CLINT1: variants seen among roughly 807,000 people sequenced by gnomAD.
CLINT1 encodes clathrin interactor 1.
CLINT1 carries 15 observed loss-of-function variants against 70.4 expected under a neutral mutation model. That is an observed-to-expected ratio of 0.21 (90% CI 0.14 to 0.33). The LOEUF (loss-of-function observed/expected upper bound fraction) is 0.33, where lower values mean the gene tolerates loss of function less well. CLINT1 is among the 10% of genes least tolerant of loss of function. The pLI, the probability that CLINT1 is intolerant of heterozygous loss-of-function variation, is 1.00. For missense variants in CLINT1, 615 were observed against 778.1 expected, an observed-to-expected ratio of 0.79 and a Z score of 2.49; for synonymous variants, 227 against 254.7, an observed-to-expected ratio of 0.89 and a Z score of 1.04.
At chr5:157,790,793 C>T (rs896209559) in intron 10 of CLINT1, 11 of 291,794 alleles carry the variant, frequency 3.8e-5, no homozygotes, top group South Asian at 2.8e-4. Context: ...CTAGGTAATT[C>T]GGATTTAACT....
chr5:157,832,040 T>C (rs758709425), intron 1 of CLINT1, among the ~76,000 whole-genome samples: 1 of 151,764 alleles, frequency 6.6e-6, no homozygotes, highest in Non-Finnish European at 1.5e-5. Flanking sequence ...CAAGCTGGAG[T>C]GCAGTGGTAG....
At chr5:157,789,081 TA>T (rs1043155782) in intron 11 of CLINT1, among the ~76,000 whole-genome samples, 1 of 151,406 alleles carries the variant, frequency 6.6e-6, no homozygotes, top group South Asian at 2.1e-4. Context: ...TGCCTATATT[TA>T]AAAAAAAATC....
intron 1 of CLINT1, among the ~76,000 whole-genome samples, chr5:157,845,403 C>T (rs1753336226): frequency 6.6e-6 from 1 of 151,560 alleles, no homozygotes; most frequent in African/African-American, 2.4e-5. Context: ...TAAATTTTTC[C>T]CAAGTAATTT....
At chr5:157,854,768 CT>C (rs781659378) in intron 1 of CLINT1, among the ~76,000 whole-genome samples, 1 of 152,026 alleles carries the variant, frequency 6.6e-6, no homozygotes, top group African/African-American at 2.4e-5. Flanking sequence ...GCAAGCTATG[CT>C]TAGGAGAATA....
intron 1 of CLINT1, among the ~76,000 whole-genome samples, chr5:157,850,219 T>C (rs1753525558): frequency 6.6e-6 from 1 of 151,992 alleles, no homozygotes; most frequent in Non-Finnish European, 1.5e-5. Flanking sequence ...CGCTGCTGAG[T>C]GGACAGCAGA....
intron 8 of CLINT1, among the ~76,000 whole-genome samples, chr5:157,796,831 C>A (rs1246627339): frequency 6.6e-6 from 1 of 152,138 alleles, no homozygotes; most frequent in Non-Finnish European, 1.5e-5. Context: ...AGTCAACTAG[C>A]AGCAGGCATA....
intron 1 of CLINT1, among the ~76,000 whole-genome samples, chr5:157,826,745 A>G (rs952640688): frequency 6.6e-6 from 1 of 152,220 alleles, no homozygotes; most frequent in African/African-American, 2.4e-5. Flanking sequence ...GTATTTCACA[A>G]AGAATGGTTT....
At chr5:157,827,806 AAAGAC>A (rs1763086257) in intron 1 of CLINT1, among the ~76,000 whole-genome samples, 1 of 152,230 alleles carries the variant, frequency 6.6e-6, no homozygotes, top group Non-Finnish European at 1.5e-5. Flanking sequence ...AACTGTTCCA[AAAGAC>A]AAGGCCATGC....
Position 157,794,974 on chromosome 5 carries a change from T to C in CLINT1, c.1013-2A>G, listed in dbSNP as rs1762025504. On this transcript the variant is annotated splice_acceptor_variant, in intron 8 of 11. Coordinates refer to ENST00000411809, the MANE Select transcript of CLINT1 (RefSeq NM_014666.4). LOFTEE classifies it high-confidence loss of function. ...CTCCGAATAAATCAGCTGATCCTCCTAGAAGTTAAGAAAAAGTTAAAACTG... is the reference window on the plus strand; with the variant it reads ...CTCCGAATAAATCAGCTGATCCTCCCAGAAGTTAAGAAAAAGTTAAAACTG... 32 of 1,551,630 alleles carry C rather than the reference T, an allele frequency of 2.1e-5. No individual in the cohort carries two copies. Among genetic ancestry groups the C allele is most frequent in the Non-Finnish European group, 2.3e-5 (26 of 1,146,636 alleles).
chr5:157,803,839 G>C (rs1762305705), intron 7 of CLINT1, 120 bp from the exon 8 acceptor site: 1 of 588,794 alleles, frequency 1.7e-6, no homozygotes, highest in Admixed American at 4.0e-5. Flanking sequence ...TAAGGGTAGG[G>C]TTTTCTGGAA....
intron 1 of CLINT1, among the ~76,000 whole-genome samples, chr5:157,834,322 G>A (rs962275523): frequency 2.6e-5 from 4 of 151,456 alleles, no homozygotes; most frequent in Admixed American, 6.6e-5. Context: ...CCGAGACTGC[G>A]CCACTGCGCC....
intron 1 of CLINT1, among the ~76,000 whole-genome samples, chr5:157,848,653 G>GC (rs1297418512): frequency 6.6e-6 from 1 of 151,924 alleles, no homozygotes; most frequent in Non-Finnish European, 1.5e-5. Flanking sequence ...ACAGGGGTGC[G>GC]CCAGAATGCC....
At chr5:157,827,031 T>C (rs927921481) in intron 1 of CLINT1, among the ~76,000 whole-genome samples, 16 of 152,200 alleles carry the variant, frequency 1.1e-4, no homozygotes, top group South Asian at 2.1e-4. Context: ...GTTCAATTAA[T>C]AGTTTGGATG....
At chr5:157,796,676 A>T (rs1037876569) in intron 8 of CLINT1, among the ~76,000 whole-genome samples, 14 of 152,226 alleles carry the variant, frequency 9.2e-5, no homozygotes, top group African/African-American at 3.1e-4. Flanking sequence ...GCTGAAAGAC[A>T]TTCTGCCCCA....
chr5:157,803,568 T>A (rs991989443), intron 8 of CLINT1, 82 bp downstream of exon 8: 2 of 925,326 alleles, frequency 2.2e-6, no homozygotes, highest in Middle Eastern at 2.4e-4. Context: ...AAATAAGTAA[T>A]CTTATTTTTC....
chr5:157,842,714 C>G (rs191935900), intron 1 of CLINT1, among the ~76,000 whole-genome samples: 4 of 152,280 alleles, frequency 2.6e-5, no homozygotes, highest in African/African-American at 9.6e-5. Flanking sequence ...TCCTCAAATC[C>G]AATTTTCAAT....
At chr5:157,830,788 CTCTCTCTCTATA>C (rs1244965627) in intron 1 of CLINT1, among the ~76,000 whole-genome samples, 6 of 128,856 alleles carry the variant, frequency 4.7e-5, no homozygotes, top group Admixed American at 8.4e-5. Flanking sequence ...CTCTCTCTCT[CTCTCTCTCTATA>C]TATATATATA....
chr5:157,820,065 T>C (rs893224160), intron 1 of CLINT1, among the ~76,000 whole-genome samples: 3 of 152,168 alleles, frequency 2.0e-5, no homozygotes, highest in African/African-American at 7.2e-5. Context: ...ACTTACAATA[T>C]AGTTATTAAG....
chr5:157,814,321 T>G (rs1299565934), intron 3 of CLINT1, 28 bp from the exon 4 acceptor site: 1 of 1,435,486 alleles, frequency 7.0e-7, no homozygotes, highest in Non-Finnish European at 9.7e-7. Flanking sequence ...AATAAATGAT[T>G]TAATGAAATA....
Sources: allele counts gnomAD v4.1 joint callset (sites outside exome capture counted in the v4.1 genomes callset), GRCh38; gene constraint gnomAD v4.1.1; transcripts MANE v1.5; gene names NCBI Gene and HGNC (gene_info 2026-07-23, HGNC 2026-07-21).